Variants in CCSER1 observed in about 807,000 individuals in gnomAD.
CCSER1 encodes coiled-coil serine rich protein 1.
CCSER1 carries 41 observed loss-of-function variants against 82.0 expected under a neutral mutation model. That is an observed-to-expected ratio of 0.50 (90% CI 0.39 to 0.65). CCSER1 has a LOEUF of 0.65. Ranked by LOEUF, CCSER1 falls within the 30% of genes least tolerant of loss-of-function variation. The pLI is 0.00. For synonymous variants in CCSER1, 414 were observed against 383.9 expected (o/e 1.08, Z -0.92); for missense variants, 1,119 against 1,064.2 (o/e 1.05, Z -0.72).
At chr4:90,757,500 G>C (rs1461374631) in intron 7 of CCSER1, among the ~76,000 whole-genome samples, 1 of 152,140 alleles carries the variant, frequency 6.6e-6, no homozygotes, top group Non-Finnish European at 1.5e-5. Flanking sequence ...TTTTGGTTTG[G>C]TCTATTGGGC....
chr4:90,618,378 C>G (rs137862359), intron 5 of CCSER1, among the ~76,000 whole-genome samples: 2,075 of 151,974 alleles, frequency 0.014, 55 homozygotes, highest in African/African-American at 0.048. Context: ...ATTGCCACAT[C>G]TTGAATATTA....
chr4:90,473,807 C>G (rs1764715380), intron 5 of CCSER1, among the ~76,000 whole-genome samples: 4 of 152,134 alleles, frequency 2.6e-5, no homozygotes, highest in African/African-American at 9.7e-5. Flanking sequence ...TAGCTGATCT[C>G]CAATTTTCCT....
chr4:90,472,323 T>C (rs1238963686), intron 5 of CCSER1, among the ~76,000 whole-genome samples: 1 of 152,188 alleles, frequency 6.6e-6, no homozygotes, highest in Non-Finnish European at 1.5e-5. Flanking sequence ...ATGACTGAGA[T>C]ATTTGTATTA....
chr4:90,521,899 T>C (rs776184532), intron 5 of CCSER1, among the ~76,000 whole-genome samples: 10 of 152,202 alleles, frequency 6.6e-5, no homozygotes, highest in Non-Finnish European at 1.3e-4. Context: ...TGAAATTTTC[T>C]CCTGTTCAGA....
At chr4:91,426,600 C>A (rs1439547572) in intron 10 of CCSER1, among the ~76,000 whole-genome samples, 3 of 151,772 alleles carry the variant, frequency 2.0e-5, no homozygotes, top group African/African-American at 7.3e-5. Flanking sequence ...TTTAAAAAAA[C>A]TTAGTCTATT....
chr4:90,596,632 A>C (rs1783376078), intron 5 of CCSER1, among the ~76,000 whole-genome samples: 1 of 151,892 alleles, frequency 6.6e-6, no homozygotes, highest in Non-Finnish European at 1.5e-5. Context: ...CAATATGAGG[A>C]AATAAAAGAA....
intron 9 of CCSER1, among the ~76,000 whole-genome samples, chr4:90,945,890 C>T (rs571140693): frequency 6.6e-5 from 10 of 152,048 alleles, no homozygotes; most frequent in South Asian, 2.1e-4. Context: ...TTGATCCTCA[C>T]GAAAGCTATA....
chr4:90,846,803 C>G (rs1369768517), intron 8 of CCSER1, among the ~76,000 whole-genome samples: 1 of 152,058 alleles, frequency 6.6e-6, no homozygotes, highest in Non-Finnish European at 1.5e-5. Context: ...GGCACGCCAG[C>G]ACACCCAGCT....
At chr4:91,043,980 C>A (rs1742216641) in intron 9 of CCSER1, among the ~76,000 whole-genome samples, 1 of 152,034 alleles carries the variant, frequency 6.6e-6, no homozygotes, top group South Asian at 2.1e-4. Flanking sequence ...GAATTCTATA[C>A]CCATGTAAAC....
intron 5 of CCSER1, among the ~76,000 whole-genome samples, chr4:90,597,317 A>C (rs1412695193): frequency 6.6e-6 from 1 of 152,052 alleles, no homozygotes; most frequent in Non-Finnish European, 1.5e-5. Flanking sequence ...TTCCCAACTG[A>C]ACATGTGTTA....
chr4:90,503,667 G>T (rs552900834), intron 5 of CCSER1, among the ~76,000 whole-genome samples: 24 of 152,100 alleles, frequency 1.6e-4, no homozygotes, highest in Non-Finnish European at 3.2e-4. Context: ...GCGGTTTTTG[G>T]TTTTTTCTCC....
chr4:91,409,438 G>A (rs1166696617), intron 10 of CCSER1, among the ~76,000 whole-genome samples: 1 of 151,972 alleles, frequency 6.6e-6, no homozygotes, highest in African/African-American at 2.4e-5. Flanking sequence ...TCTTTTTCCA[G>A]ATTTAAATGT....
intron 6 of CCSER1, among the ~76,000 whole-genome samples, chr4:90,674,440 T>C (rs1024320944): frequency 6.6e-6 from 1 of 151,752 alleles, no homozygotes; most frequent in Admixed American, 6.6e-5. Context: ...GCGACAATAC[T>C]TACAAAAAGC....
intron 1 of CCSER1, among the ~76,000 whole-genome samples, chr4:90,262,656 T>A (rs921458854): frequency 2.0e-5 from 3 of 152,030 alleles, no homozygotes; most frequent in Non-Finnish European, 2.9e-5. Context: ...CCAGCCTTGA[T>A]GAAGGTGGCT....
intron 6 of CCSER1, among the ~76,000 whole-genome samples, chr4:90,682,063 T>G (rs1457382209): frequency 2.0e-5 from 3 of 152,010 alleles, no homozygotes; most frequent in Non-Finnish European, 4.4e-5. Context: ...TGCTTGCTGT[T>G]GAGCAAGTGT....
chr4:90,711,656 C>T (rs1241916112), intron 6 of CCSER1, among the ~76,000 whole-genome samples: 1 of 151,370 alleles, frequency 6.6e-6, no homozygotes, highest in East Asian at 1.9e-4. Flanking sequence ...TATTTTGAAC[C>T]AACCATGCAT....
chr4:91,300,848 G>A (rs1744610131), intron 10 of CCSER1, among the ~76,000 whole-genome samples: 1 of 151,808 alleles, frequency 6.6e-6, no homozygotes, highest in Admixed American at 6.6e-5. Context: ...AAGCCTCTTT[G>A]ATTCAAACTG....
intron 10 of CCSER1, among the ~76,000 whole-genome samples, chr4:91,163,244 A>C (rs1731637630): frequency 6.6e-6 from 1 of 152,172 alleles, no homozygotes; most frequent in Admixed American, 6.5e-5. Context: ...AGTGGTTTTG[A>C]GTGAGTTTCT....
At chr4:91,015,226 A>G (rs1739325793) in intron 9 of CCSER1, 1 of 152,112 alleles carries the variant, frequency 6.6e-6, no homozygotes, top group Non-Finnish European at 1.5e-5. Flanking sequence ...GATTACATGC[A>G]AGGAAAGTTC....
Sources: gnomAD v4.1 joint callset for allele counts (sites outside exome capture counted in the v4.1 genomes callset) on GRCh38, gnomAD v4.1.1 for gene constraint, MANE v1.5 for transcripts, NCBI Gene and HGNC (gene_info 2026-07-23, HGNC 2026-07-21) for gene names.